The following FPGT variants were observed in gnomAD, a reference collection of about 807,000 sequenced individuals.
FPGT encodes the protein GDP-L-fucose diphosphorylase.
Under a neutral mutation model 45.8 loss-of-function variants are expected in FPGT, and 41 were observed. The observed-to-expected ratio is 0.90, with a 90% confidence interval of 0.70 to 1.16. FPGT has a LOEUF of 1.16. FPGT is among the 50% of genes most tolerant of loss of function. The pLI, the probability that FPGT is intolerant of heterozygous loss-of-function variation, is 0.00. For synonymous variants in FPGT, 292 were observed against 247.2 expected (o/e 1.18, Z -1.70); for missense variants, 755 against 689.1 (o/e 1.10, Z -1.07).
chr1:74,205,536 T>C lies in FPGT; in HGVS notation c.1489T>C (p.Phe497Leu), dbSNP rs772199141. Reference sequence around the variant, plus strand: ...GTTACTTCAATTCTTTGGAGTCTGTTTCCTGTCATGCTTAGATGTTTGGAA... The same window carrying C: ...GTTACTTCAATTCTTTGGAGTCTGTCTCCTGTCATGCTTAGATGTTTGGAA... ...IKLLQFFGVC[F>L]LSCLDVWNLK... Residue 497 changes from phenylalanine (F) to leucine (L), a missense_variant, in exon 4 of 4, where the codon TTC becomes CTC. Coordinates refer to ENST00000370898, the MANE Select transcript of FPGT (RefSeq NM_003838.5). 1 of 1,613,302 alleles carries C rather than the reference T, an allele frequency of 6.2e-7. No homozygotes were observed. The highest frequency in any genetic ancestry group is 1.1e-5 in the South Asian group (1 of 91,060).
At position 74,199,826 on chromosome 1, in the gene FPGT, A is replaced by G; in HGVS notation, c.245A>G (p.Lys82Arg). Residue 82 changes from lysine (K) to arginine (R), a missense_variant, in exon 2 of 4, where the codon AAA becomes AGA. By Grantham distance (26) the Lys-to-Arg change is conservative. Transcript: ENST00000370898. ...GTTTTTGTGGATCCTGCTGGAGCCA[A>G]AATTGGTACGCGCTTTATGGTCAGT... Reference protein sequence around the residue: ...YHVFVDPAGAKIGNGGSTLCA... With the variant: ...YHVFVDPAGARIGNGGSTLCA... 1.9e-6 allele frequency: 3 copies of G among 1,613,384 alleles called. No individual in the cohort carries two copies. The highest frequency in any genetic ancestry group is 1.1e-5 in the South Asian group (1 of 90,924).
At chr1:74,203,720 C>T (rs188798541) in intron 3 of FPGT, among the ~76,000 whole-genome samples, 221 of 151,416 alleles carry the variant, frequency 1.5e-3, no homozygotes, top group African/African-American at 5.2e-3. Context: ...AATTAGAAGT[C>T]TAAACATGGT....
In FPGT at chr1:74,205,399, C is replaced by A. The variant is rs1652191862; in HGVS notation, c.1352C>A (p.Ser451Tyr). The change falls in exon 4 of 4, where the codon TCT becomes TAT. Residue 451 changes from serine to tyrosine, a missense_variant. By Grantham distance (144) the Ser-to-Tyr change is moderately radical. Transcript: ENST00000370898. ...ILTKAALPAH[S>Y]FVCSLSLKMN... The stretch of plus-strand genomic sequence containing the variant: ...ACAAAAGCTGCCCTCCCCGCACATT[C>A]TTTTGTATGTTCCTTAAGCTTAAAG... 6.2e-6 allele frequency: 10 copies of A among 1,613,930 alleles called. No homozygotes were observed. The East Asian group carries it at 1.3e-4, about 22-fold the overall frequency.
In FPGT at chr1:74,204,875, G is replaced by T; in HGVS notation, c.828G>T (p.Met276Ile). ...TCTACACAGATAGCCTATTTTATAT[G>T]GATCATAAATCAGCAAAAATGTTAC... ...DYVYTDSLFY[M>I]DHKSAKMLLA... Residue 276 changes from methionine to isoleucine, a missense_variant, in exon 4 of 4, where the codon ATG (methionine) becomes ATT (isoleucine). Transcript: ENST00000370898. The T allele has an allele frequency of 2.5e-6, 4 of 1,613,576 alleles. No homozygotes were observed. Among genetic ancestry groups the T allele is most frequent in the Non-Finnish European group, 2.5e-6 (3 of 1,179,882 alleles).
At chr1:74,200,824 C>G in intron 2 of FPGT, 1 of 155,428 alleles carries the variant, frequency 6.4e-6, no homozygotes, top group Middle Eastern at 5.2e-4. Flanking sequence ...CTGAGGTACT[C>G]AAGAGTTAAG....
chr1:74,204,685 A>T lies in FPGT; in HGVS notation c.638A>T (p.Asp213Val), dbSNP rs143587621. The T allele has an allele frequency of 2.5e-4, 398 of 1,613,438 alleles. No homozygotes were observed. The highest frequency in any genetic ancestry group is 3.2e-4 in the Non-Finnish European group (378 of 1,179,528). ...GTATTTGTCTTAGATCCTTTTGATGATTTAAAACATAGAGACCTTGAATAC... is the reference window on the plus strand; with the variant it reads ...GTATTTGTCTTAGATCCTTTTGATGTTTTAAAACATAGAGACCTTGAATAC... ...HGVFVLDPFD[D>V]LKHRDLEYRS... The change falls in exon 4 of 4, where the codon GAT becomes GTT. Residue 213 changes from aspartate (D) to valine (V), a missense_variant. Asp to Val is a radical substitution (Grantham distance 152). Coordinates refer to ENST00000370898, the MANE Select transcript of FPGT (RefSeq NM_003838.5).
At position 74,205,436 on chromosome 1, in the gene FPGT, C is replaced by A. The variant is rs1652194324; in HGVS notation, c.1389C>A (p.Cys463Ter). 1.2e-6 allele frequency: 2 copies of A among 1,613,918 alleles called. No individual in the cohort carries two copies. Among genetic ancestry groups the A allele is most frequent in the South Asian group, 2.2e-5 (2 of 91,082 alleles). ...VCSLSLKMNRCLKYATMAFGV... is the reference protein window; with the variant it reads ...VCSLSLKMNR Reference sequence around the variant, plus strand: ...CCTTAAGCTTAAAGATGAATAGATGCTTAAAGTATGCAACTATGGCATTTG... The same window carrying A: ...CCTTAAGCTTAAAGATGAATAGATGATTAAAGTATGCAACTATGGCATTTG... Residue 463 changes from cysteine to a stop codon, truncating the protein, a stop_gained, in exon 4 of 4, where the codon TGC becomes TGA. Coordinates refer to ENST00000370898, the MANE Select transcript of FPGT (RefSeq NM_003838.5). LOFTEE classifies it high-confidence loss of function.
intron 3 of FPGT, 53 bp from the exon 4 acceptor site, chr1:74,204,338 A>G: frequency 7.3e-7 from 1 of 1,377,896 alleles, no homozygotes; most frequent in Non-Finnish European, 9.7e-7. Context: ...GGTTTTGAAA[A>G]TTTTATAAAT....
chr1:74,205,886 G>A lies in FPGT; in HGVS notation c.*54G>A. 2.0e-6 allele frequency: 2 copies of A among 981,546 alleles called. No homozygotes were observed. The highest frequency in any genetic ancestry group is 3.1e-6 in the Non-Finnish European group (2 of 654,644). The allele number at this position is 981,546 out of a possible 1,614,324, so 60.8% of individuals were successfully genotyped here. On this transcript the variant is annotated 3_prime_UTR_variant, in exon 4 of 4. Transcript: ENST00000370898. ...TTTTTGAGTAACATTCCAGAGATAG[G>A]TATTTTTTGTAGGCTGTTTCACTGA...
intron 2 of FPGT, chr1:74,200,941 TTG>T (rs1209890205): frequency 6.3e-6 from 1 of 158,332 alleles, no homozygotes; most frequent in African/African-American, 2.4e-5. Context: ...GTGTTTTTGA[TTG>T]TGTCATTTGG....
rs561098368 is a variant in FPGT at position 74,201,514 on chromosome 1, G to T, written c.343+104G>T. ...CAAACACTTTCCTTCTTTTTTAAAA[G>T]AATCTTTGAAGTTATTCTGCTTTGA... is the stretch of plus-strand genomic sequence containing the variant. On this transcript the variant is annotated intron_variant, in intron 3 of 3. Coordinates refer to ENST00000370898, the MANE Select transcript of FPGT (RefSeq NM_003838.5). The T allele has an allele frequency of 9.3e-5, 66 of 708,212 alleles. 1 individual carries two copies. In the Middle Eastern group the frequency reaches 1.3e-3, roughly 13 times the overall value. 43.9% of individuals were successfully genotyped at this position (708,212 alleles called of 1,614,324 possible).
At chr1:74,201,566 CT>C (rs1211434912) in intron 3 of FPGT, among the ~76,000 whole-genome samples, 156 bp downstream of exon 3, 1 of 151,884 alleles carries the variant, frequency 6.6e-6, no homozygotes, top group Non-Finnish European at 1.5e-5. Context: ...ATTTTCATGA[CT>C]TTTTTTAGGT....
chr1:74,201,736 T>C (rs1007824846), intron 3 of FPGT, among the ~76,000 whole-genome samples: 7 of 152,230 alleles, frequency 4.6e-5, no homozygotes, highest in Non-Finnish European at 2.9e-5. Flanking sequence ...GGGAATACTT[T>C]AATGGGGATT....
intron 1 of FPGT, among the ~76,000 whole-genome samples, chr1:74,198,786 G>C (rs1244301379): frequency 6.6e-6 from 1 of 151,418 alleles, no homozygotes; most frequent in Non-Finnish European, 1.5e-5. Context: ...TGTTGAGGGA[G>C]TAACAGAACA....
chr1:74,204,205 A>G (rs374787656), intron 3 of FPGT, among the ~76,000 whole-genome samples, 186 bp from the exon 4 acceptor site: 115 of 152,262 alleles, frequency 7.6e-4, no homozygotes, highest in African/African-American at 2.7e-3. Flanking sequence ...GCAACAAGAA[A>G]ATTTCTCTTC....
chr1:74,198,427 G>A (rs1557668622), intron 1 of FPGT, 67 bp downstream of exon 1: 1 of 1,588,442 alleles, frequency 6.3e-7, no homozygotes, highest in Admixed American at 1.8e-5. Context: ...GTGCCAGGAG[G>A]TTTGCTGGAC....
At chr1:74,201,594 A>T (rs1651806483) in intron 3 of FPGT, among the ~76,000 whole-genome samples, 184 bp downstream of exon 3, 1 of 152,054 alleles carries the variant, frequency 6.6e-6, no homozygotes, top group Non-Finnish European at 1.5e-5. Flanking sequence ...TAGTATAGTG[A>T]TTTTCACAAA....
rs1306508135 is a variant in FPGT at position 74,206,294 on chromosome 1, A to G, written c.*462A>G. On this transcript the variant is annotated 3_prime_UTR_variant, in exon 4 of 4. Transcript: ENST00000370898. Reference sequence around the variant, plus strand: ...ATACTGTAGAAATACTTTTTCAGAAACGAATCCATAGCTGACAAATTCACT... The same window carrying G: ...ATACTGTAGAAATACTTTTTCAGAAGCGAATCCATAGCTGACAAATTCACT... The G allele has an allele frequency of 6.6e-6, 1 of 152,354 alleles. No individual in the cohort carries two copies. The highest frequency in any genetic ancestry group is 2.4e-5 in the African/African-American group (1 of 41,424). 9.4% of individuals were successfully genotyped at this position (152,354 alleles called of 1,614,324 possible). A position where few individuals can be genotyped will look rare whatever the true frequency, so the allele number is the denominator to read the frequency against.
At position 74,206,941 on chromosome 1, in the gene FPGT, T is replaced by G. The variant is rs1023861120; in HGVS notation, c.*1109T>G. The G allele has an allele frequency of 2.0e-5, 3 of 152,076 alleles. No individual in the cohort carries two copies. The highest frequency in any genetic ancestry group is 4.4e-5 in the Non-Finnish European group (3 of 67,960). 9.4% of individuals were successfully genotyped at this position (152,076 alleles called of 1,614,324 possible). On this transcript the variant is annotated 3_prime_UTR_variant, in exon 4 of 4. Coordinates refer to ENST00000370898, the MANE Select transcript of FPGT (RefSeq NM_003838.5). ...TAGTCTGTGCTACTTTATGTCAATA[T>G]AAAAATTGGTAAACTAGAAGTAACT...
Sources: allele counts gnomAD v4.1 joint callset (sites outside exome capture counted in the v4.1 genomes callset), GRCh38; gene constraint gnomAD v4.1.1; transcripts MANE v1.5; gene names NCBI Gene and HGNC (gene_info 2026-07-23, HGNC 2026-07-21).